MRPL21: variants seen among roughly 807,000 people sequenced by gnomAD.
MRPL21 encodes large ribosomal subunit protein bL21m.
MRPL21 carries 20 observed loss-of-function variants against 27.3 expected under a neutral mutation model. That is an observed-to-expected ratio of 0.73 (90% CI 0.52 to 1.06). The LOEUF is 1.06. MRPL21 is among the 50% of genes least tolerant of loss of function. MRPL21 has a pLI of 0.00. For synonymous variants in MRPL21, 98 were observed against 101.5 expected (o/e 0.97, Z 0.21); for missense variants, 249 against 251.4 (o/e 0.99, Z 0.06).
chr11:68,899,168 G>C (rs958134092), intron 2 of MRPL21, among the ~76,000 whole-genome samples: 1 of 152,206 alleles, frequency 6.6e-6, no homozygotes, highest in Non-Finnish European at 1.5e-5. Context: ...AGGAAAGAAA[G>C]AGGGGGGCCT....
rs770017430 is a variant in MRPL21 at position 68,900,606 on chromosome 11, C to T, written c.89-1G>A. On this transcript the variant is annotated splice_acceptor_variant, in intron 1 of 6. Transcript: ENST00000362034. LOFTEE classifies it high-confidence loss of function. ...CTTCGAGAAGCAGACCAAAGGGAGG[C>T]TGAGGGAAGAAGAGAAACACAGATC... The T allele has an allele frequency of 6.2e-7, 1 of 1,612,828 alleles. No homozygotes were observed. The highest frequency in any genetic ancestry group is 8.5e-7 in the Non-Finnish European group (1 of 1,178,882).
chr11:68,897,459 G>A (rs1241525152), intron 3 of MRPL21: 1 of 162,678 alleles, frequency 6.1e-6, no homozygotes, highest in East Asian at 1.8e-4. Context: ...GATTCCACTC[G>A]AGGATCTTGA....
chr11:68,900,749 A>G, intron 1 of MRPL21, 144 bp from the exon 2 acceptor site: 1 of 709,932 alleles, frequency 1.4e-6, no homozygotes, highest in South Asian at 1.6e-5. Flanking sequence ...CACCTAGGTG[A>G]GCAAAACTAC....
chr11:68,892,017 G>T, intron 6 of MRPL21: 1 of 1,147,676 alleles, frequency 8.7e-7, no homozygotes, highest in Non-Finnish European at 1.2e-6. Flanking sequence ...GACAGTGCTA[G>T]GCGTCATGGG....
chr11:68,897,159 AGG>A (rs1857814224), intron 3 of MRPL21, among the ~76,000 whole-genome samples: 1 of 152,102 alleles, frequency 6.6e-6, no homozygotes, highest in South Asian at 2.1e-4. Flanking sequence ...CCCCTGGGGC[AGG>A]ACGCGTTCCC....
intron 6 of MRPL21, 55 bp from the exon 7 acceptor site, chr11:68,891,450 T>TA (rs1566412797): frequency 1.3e-6 from 2 of 1,566,498 alleles, no homozygotes; most frequent in East Asian, 4.5e-5. Flanking sequence ...TGTCATCAGT[T>TA]ACAGCAGGGG....
rs749239284 is a variant in MRPL21, at chr11:68,897,994, G to T, written c.165C>A (p.Ser55=). The change falls in exon 3 of 7, where the codon TCC becomes TCA. Residue 55 remains serine, a synonymous_variant. Coordinates refer to ENST00000362034, the MANE Select transcript of MRPL21 (RefSeq NM_181514.2). ...SYLPGYVPKT[S]LSSPPWPEVV... is the part of the protein sequence containing the mutation. Reference sequence around the variant, plus strand: ...CTTCTGGCCAAGGTGGTGAACTCAGGGATGTTTTAGGAACATATCTGTAAA... The same window carrying T: ...CTTCTGGCCAAGGTGGTGAACTCAGTGATGTTTTAGGAACATATCTGTAAA... 4.3e-6 allele frequency: 7 copies of T among 1,614,048 alleles called. No homozygotes were observed. Among genetic ancestry groups the T allele is most frequent in the Non-Finnish European group, 5.9e-6 (7 of 1,179,922 alleles).
chr11:68,892,710 C>G (rs1007518787), intron 6 of MRPL21, 180 bp downstream of exon 6: 2 of 1,528,980 alleles, frequency 1.3e-6, no homozygotes, highest in Non-Finnish European at 1.8e-6. Context: ...AGAAGGGGAG[C>G]GAGGCTGGAC....
At chr11:68,891,644 T>A (rs764247258) in intron 6 of MRPL21, 56 of 579,336 alleles carry the variant, frequency 9.7e-5, no homozygotes, top group Non-Finnish European at 1.5e-4. Context: ...GCACCTCACC[T>A]CTCCTCCCAC....
chr11:68,903,767 G>A lies in MRPL21; in HGVS notation c.44C>T (p.Ser15Phe). 2 of 1,613,112 alleles carry A rather than the reference G, an allele frequency of 1.2e-6. No homozygotes were observed. Among genetic ancestry groups the A allele is most frequent in the Non-Finnish European group, 1.7e-6 (2 of 1,180,034 alleles). The change falls in exon 1 of 7, where the codon TCC (serine) becomes TTC (phenylalanine). Residue 15 changes from serine (S) to phenylalanine (F), a missense_variant. Ser to Phe is a radical substitution (Grantham distance 155). Coordinates refer to ENST00000362034, the MANE Select transcript of MRPL21 (RefSeq NM_181514.2). ...SLTVTLGRLA[S>F]ACSHSILRPS... ...TCTCAGGATGCTGTGGCTGCACGCG[G>A]ACGCCAGCCGCCCTAAGGTGACCGT...
Position 68,903,682 on chromosome 11 carries a change from T to A in MRPL21, c.88+41A>T, listed in dbSNP as rs1423573163. The A allele has an allele frequency of 1.9e-6, 3 of 1,600,422 alleles. No individual in the cohort carries two copies. In the African/African-American group the frequency reaches 4.0e-5, roughly 21 times the overall value. On this transcript the variant is annotated intron_variant, in intron 1 of 6. Transcript: ENST00000362034. ...GTGGCGAGACCGCAGGGAGCAGCGC[T>A]CGCTCTGCGTCCTCCCTTCCTCCCA...
intron 3 of MRPL21, 119 bp from the exon 4 acceptor site, chr11:68,896,797 G>C: frequency 7.4e-7 from 1 of 1,346,836 alleles, no homozygotes; most frequent in Non-Finnish European, 1.0e-6. Flanking sequence ...AGCACCCCTT[G>C]TGAGCACCTC....
At chr11:68,902,593 A>G (rs1566419486) in intron 1 of MRPL21, among the ~76,000 whole-genome samples, 1 of 152,212 alleles carries the variant, frequency 6.6e-6, no homozygotes, top group East Asian at 1.9e-4. Flanking sequence ...CTTCCTATCA[A>G]CATCCCTCAC....
At chr11:68,891,764 G>A (rs966552989) in intron 6 of MRPL21, 2 of 490,876 alleles carry the variant, frequency 4.1e-6, no homozygotes, top group East Asian at 3.0e-5. Flanking sequence ...CTACCCAGAT[G>A]ACTCTAAGGT....
Position 68,896,692 on chromosome 11 carries a change from C to A in MRPL21, c.233-14G>T, listed in dbSNP as rs778504463. On this transcript the variant is annotated splice_polypyrimidine_tract_variant and intron_variant, in intron 3 of 6. Coordinates refer to ENST00000362034, the MANE Select transcript of MRPL21 (RefSeq NM_181514.2). ...TCTTCACGACCTCTGCAGGGGAAGG[C>A]GGGTGGGTGGGCAGTCACCCTCACC... is the stretch of plus-strand genomic sequence containing the variant. 3.9e-6 allele frequency: 6 copies of A among 1,553,068 alleles called. No homozygotes were observed. In the Admixed American group the frequency reaches 8.4e-5, roughly 22 times the overall value.
intron 6 of MRPL21, chr11:68,891,862 G>A (rs1307614492): frequency 8.4e-6 from 4 of 475,452 alleles, no homozygotes; most frequent in Non-Finnish European, 1.5e-5. Context: ...CAAGAGCTGT[G>A]AGGGACAGAA....
chr11:68,891,929 C>T, intron 6 of MRPL21: 4 of 563,938 alleles, frequency 7.1e-6, no homozygotes, highest in Non-Finnish European at 8.5e-6. Context: ...CCTCAGGATG[C>T]CCACTATGGG....
At position 68,896,524 on chromosome 11, in the gene MRPL21, T is replaced by A; in HGVS notation, c.387A>T (p.Arg129=). 1 of 1,613,966 alleles carries A rather than the reference T, an allele frequency of 6.2e-7. No individual in the cohort carries two copies. The highest frequency in any genetic ancestry group is 8.5e-7 in the Non-Finnish European group (1 of 1,179,954). ...ELDLACGERI[R]LEKVLLVGAD... ...AGCTCGGTGGTCTCACCTTCTCCAGTCGAATTCTCTCTCCACACGCAAGGT... is the reference window on the plus strand; with the variant it reads ...AGCTCGGTGGTCTCACCTTCTCCAGACGAATTCTCTCTCCACACGCAAGGT... The change falls in exon 4 of 7, where the codon CGA becomes CGT. Residue 129 remains arginine (R), a synonymous_variant. Coordinates refer to ENST00000362034, the MANE Select transcript of MRPL21 (RefSeq NM_181514.2).
At chr11:68,893,585 T>C in intron 4 of MRPL21, 130 bp from the exon 5 acceptor site, 1 of 1,216,230 alleles carries the variant, frequency 8.2e-7, no homozygotes. Context: ...ATGAATTTCA[T>C]CTGCTGTCTA....
Sources: allele counts gnomAD v4.1 joint callset (sites outside exome capture counted in the v4.1 genomes callset), GRCh38; gene constraint gnomAD v4.1.1; transcripts MANE v1.5; gene names NCBI Gene and HGNC (gene_info 2026-07-23, HGNC 2026-07-21).